Variants in UNC13C observed in about 807,000 individuals in gnomAD.
UNC13C encodes the protein unc-13 homolog C, also known as protein unc-13 homolog C.
UNC13C carries 174 observed loss-of-function variants against 245.4 expected under a neutral mutation model. The ratio of observed to expected loss-of-function variants is 0.71; its 90% CI spans 0.63 to 0.80. The LOEUF (loss-of-function observed/expected upper bound fraction) is 0.80. UNC13C is among the 30% of genes least tolerant of loss of function. The pLI, the probability that UNC13C is intolerant of heterozygous loss-of-function variation, is 0.00. For synonymous variants in UNC13C, 992 were observed against 895.1 expected (o/e 1.11, Z -1.93); for missense variants, 2,829 against 2,602.9 (o/e 1.09, Z -1.89).
intron 2 of UNC13C, among the ~76,000 whole-genome samples, chr15:54,033,107 T>A (rs1896429882): frequency 6.6e-6 from 1 of 152,066 alleles, no homozygotes; most frequent in Admixed American, 6.6e-5. Context: ...TGTAACCAAA[T>A]ACCACGTGTT....
chr15:54,554,916 A>G (rs1177083313), intron 28 of UNC13C, among the ~76,000 whole-genome samples: 1 of 152,104 alleles, frequency 6.6e-6, no homozygotes, highest in Non-Finnish European at 1.5e-5. Flanking sequence ...TAAAATATTT[A>G]AAATATTCAC....
rs779476275 is a variant in UNC13C, at chr15:54,338,343, A to C, written c.4585-18A>C. ...TGTCACTGTTGCATTTGAGAAAATA[A>C]ATGTCTGTCTTTGTCAGGTTCTGGA... is the stretch of plus-strand genomic sequence containing the variant. On this transcript the variant is annotated intron_variant, in intron 16 of 32. Coordinates refer to ENST00000260323, the MANE Select transcript of UNC13C (RefSeq NM_001080534.3). 3.1e-6 allele frequency: 5 copies of C among 1,593,394 alleles called. No individual in the cohort carries two copies. Among genetic ancestry groups the C allele is most frequent in the Non-Finnish European group, 4.3e-6 (5 of 1,168,438 alleles).
At chr15:54,522,483 CAA>C (rs1287146051) in intron 24 of UNC13C, among the ~76,000 whole-genome samples, 3 of 149,266 alleles carry the variant, frequency 2.0e-5, no homozygotes, top group Non-Finnish European at 4.4e-5. Flanking sequence ...GTCTCAAAAA[CAA>C]AACAAAACAA....
At chr15:53,880,535 A>G in the UNC13C span, among the ~76,000 whole-genome samples, 12 of 152,318 alleles carry the variant, frequency 7.9e-5, no homozygotes, top group African/African-American at 2.9e-4. Context: ...AACAGCCTTC[A>G]GCTTCAAGAA....
chr15:54,296,799 A>G (rs1021856886), intron 11 of UNC13C, among the ~76,000 whole-genome samples: 2 of 152,166 alleles, frequency 1.3e-5, no homozygotes. Flanking sequence ...TCATTTGTGA[A>G]ATGGGTCAGA....
At chr15:54,375,369 T>C (rs2039583409) in intron 17 of UNC13C, among the ~76,000 whole-genome samples, 1 of 152,226 alleles carries the variant, frequency 6.6e-6, no homozygotes. Context: ...CACTAAATTC[T>C]AAAATAACCA....
At chr15:53,913,006 T>C in the UNC13C span, 2 of 152,188 alleles carry the variant, frequency 1.3e-5, no homozygotes, top group African/African-American at 4.8e-5. Flanking sequence ...GGCTAATGCA[T>C]TCTTCTCCAT....
chr15:54,558,314 A>C (rs879713982), intron 29 of UNC13C, among the ~76,000 whole-genome samples: 2 of 152,046 alleles, frequency 1.3e-5, no homozygotes, highest in African/African-American at 2.4e-5. Context: ...AAGAGATTTC[A>C]GTTGTTTTTC....
Position 54,627,171 on chromosome 15 carries a change from C to A in UNC13C, c.*58C>A. 6.8e-7 allele frequency: 1 copy of A among 1,480,774 alleles called. No homozygotes were observed. The highest frequency in any genetic ancestry group is 2.3e-5 in the East Asian group (1 of 43,540). 91.7% of individuals were successfully genotyped at this position (1,480,774 alleles called of 1,614,324 possible). A position where few individuals can be genotyped will look rare whatever the true frequency, so the allele number is the denominator to read the frequency against. ...ATTGTTTGACTACTGCATGCATGTG[C>A]AAATACATGGGAATGTTTAGTTCAC... is the stretch of plus-strand genomic sequence containing the variant. On this transcript the variant is annotated 3_prime_UTR_variant, in exon 33 of 33. Transcript: ENST00000260323.
At chr15:54,038,130 T>A (rs1341812938) in intron 2 of UNC13C, among the ~76,000 whole-genome samples, 24 of 108,948 alleles carry the variant, frequency 2.2e-4, no homozygotes, top group Admixed American at 4.0e-4. Context: ...ATATATTTTT[T>A]TTTTTTTTTT....
intron 8 of UNC13C, among the ~76,000 whole-genome samples, chr15:54,252,994 T>C (rs1454100119): frequency 3.9e-5 from 6 of 152,238 alleles, no homozygotes; most frequent in Admixed American, 1.3e-4. Flanking sequence ...TTCTATTAAA[T>C]ATGACAGTTT....
chr15:54,339,919 T>C (rs1354422099), intron 17 of UNC13C, among the ~76,000 whole-genome samples: 2 of 152,180 alleles, frequency 1.3e-5, no homozygotes, highest in East Asian at 1.9e-4. Flanking sequence ...AGTGTAGAAG[T>C]GTTCTCTTTT....
intron 19 of UNC13C, among the ~76,000 whole-genome samples, chr15:54,460,910 G>T (rs1196005620): frequency 6.6e-6 from 1 of 152,068 alleles, no homozygotes; most frequent in Non-Finnish European, 1.5e-5. Flanking sequence ...ATCTGCTGTT[G>T]TAATAGTTAT....
the UNC13C span, among the ~76,000 whole-genome samples, chr15:53,963,002 C>A: frequency 0.047 from 7,105 of 152,224 alleles, 266 homozygotes; most frequent in African/African-American, 0.1. Flanking sequence ...ATGTAGCTTT[C>A]TCGACTGCAT....
intron 17 of UNC13C, among the ~76,000 whole-genome samples, chr15:54,363,994 G>A (rs1429116332): frequency 6.6e-6 from 1 of 152,074 alleles, no homozygotes; most frequent in East Asian, 1.9e-4. Context: ...AAAATTCATG[G>A]TTTTCTTTTT....
At chr15:54,024,694 G>A (rs938382912) in intron 2 of UNC13C, among the ~76,000 whole-genome samples, 23 of 152,016 alleles carry the variant, frequency 1.5e-4, no homozygotes, top group African/African-American at 5.6e-4. Flanking sequence ...CGAGGCGGGC[G>A]GATCACGAGG....
chr15:54,547,742 A>T (rs1034806012), intron 27 of UNC13C, among the ~76,000 whole-genome samples: 22 of 152,198 alleles, frequency 1.4e-4, no homozygotes, highest in Non-Finnish European at 8.8e-5. Context: ...TAATGCCATG[A>T]ATGTGTGCTT....
chr15:54,016,137 A>T (rs138591840), intron 2 of UNC13C, among the ~76,000 whole-genome samples: 6 of 152,320 alleles, frequency 3.9e-5, no homozygotes, highest in African/African-American at 1.4e-4. Context: ...CACATTGTGG[A>T]TCAGATTTCT....
chr15:54,526,408 T>C (rs997155971), intron 25 of UNC13C, among the ~76,000 whole-genome samples: 5 of 152,140 alleles, frequency 3.3e-5, no homozygotes, highest in Non-Finnish European at 7.4e-5. Flanking sequence ...TTTTAAACTA[T>C]GTGTTCAATT....
Sources: allele counts gnomAD v4.1 joint callset (sites outside exome capture counted in the v4.1 genomes callset), GRCh38; gene constraint gnomAD v4.1.1; transcripts MANE v1.5; gene names NCBI Gene and HGNC (gene_info 2026-07-23, HGNC 2026-07-21).